Variants in DCC observed in about 807,000 individuals in gnomAD.
DCC encodes netrin receptor DCC.
A neutral mutation model predicts 172.5 loss-of-function variants in DCC; 58 were observed. The observed-to-expected ratio is 0.34, with a 90% CI of 0.27 to 0.42. The LOEUF (loss-of-function observed/expected upper bound fraction) is 0.42, where lower values mean the gene tolerates loss of function less well. Among genes scored for constraint, DCC ranks in the 10% least tolerant of loss-of-function variants. DCC has a pLI of 1.00. For synonymous variants in DCC, 709 were observed against 644.5 expected, an observed-to-expected ratio of 1.10 and a Z score of -1.52; for missense variants, 1,740 against 1,791.0, an observed-to-expected ratio of 0.97 and a Z score of 0.51.
intron 14 of DCC, among the ~76,000 whole-genome samples, chr18:53,331,529 T>C (rs537412446): frequency 1.3e-5 from 2 of 152,216 alleles, no homozygotes; most frequent in Non-Finnish European, 2.9e-5. Flanking sequence ...GGCTGGTGTC[T>C]GCAGCTGCTC....
At chr18:52,631,952 G>C (rs1193677091) in intron 1 of DCC, among the ~76,000 whole-genome samples, 1 of 152,146 alleles carries the variant, frequency 6.6e-6, no homozygotes, top group Non-Finnish European at 1.5e-5. Context: ...ATTAGGCCCT[G>C]TCTCCTTCCA....
chr18:52,492,630 A>ATTT (rs2030561028), intron 1 of DCC, among the ~76,000 whole-genome samples: 1 of 151,378 alleles, frequency 6.6e-6, no homozygotes, highest in African/African-American at 2.4e-5. Flanking sequence ...ATATGGGGCA[A>ATTT]GTTTAATAGG....
At chr18:52,441,352 A>G (rs919962782) in intron 1 of DCC, among the ~76,000 whole-genome samples, 6 of 152,312 alleles carry the variant, frequency 3.9e-5, no homozygotes, top group Non-Finnish European at 8.8e-5. Context: ...CGTGAAAAAG[A>G]GTCCGATATC....
chr18:53,009,498 C>CA (rs988747273), intron 5 of DCC, among the ~76,000 whole-genome samples: 2 of 151,174 alleles, frequency 1.3e-5, no homozygotes, highest in South Asian at 2.1e-4. Flanking sequence ...AGGGTAAAAA[C>CA]AAAAAAGAGA....
intron 8 of DCC, among the ~76,000 whole-genome samples, chr18:53,172,515 G>T (rs1197216253): frequency 6.6e-6 from 1 of 151,968 alleles, no homozygotes; most frequent in Non-Finnish European, 1.5e-5. Context: ...CTGTTCAAAG[G>T]GTTATGGCCA....
At chr18:52,675,501 A>T (rs544216143) in intron 1 of DCC, among the ~76,000 whole-genome samples, 2 of 152,232 alleles carry the variant, frequency 1.3e-5, no homozygotes, top group South Asian at 4.1e-4. Context: ...TATTTAATTG[A>T]AGTCTCATGC....
At chr18:52,670,691 T>A (rs2035536107) in intron 1 of DCC, among the ~76,000 whole-genome samples, 1 of 151,940 alleles carries the variant, frequency 6.6e-6, no homozygotes, top group Non-Finnish European at 1.5e-5. Context: ...AATATAAAAA[T>A]TAGCCAGGCA....
At position 53,299,751 on chromosome 18, in the gene DCC, A is replaced by T. The variant is rs186442680; in HGVS notation, c.1912-5827A>T. ...ACTCTCAGCCTCTTGAACTTCTCAT[A>T]GGAGGCAATATTAAGCAGAAAAGAA... is the stretch of plus-strand genomic sequence containing the variant. On this transcript the variant is annotated intron_variant, in intron 12 of 28. Transcript: ENST00000442544. Among the ~76,000 whole-genome samples, 379 of 152,322 alleles carry T rather than the reference A, an allele frequency of 2.5e-3. 5 individuals carry two copies. Among genetic ancestry groups the T allele is most frequent in the Non-Finnish European group, 1.3e-3 (86 of 68,026 alleles).
chr18:52,905,869 A>G (rs1244871755), intron 2 of DCC, among the ~76,000 whole-genome samples, 175 bp from the exon 3 acceptor site: 1 of 152,248 alleles, frequency 6.6e-6, no homozygotes, highest in Non-Finnish European at 1.5e-5. Context: ...GCCTCTGAGC[A>G]TACTGTAGTG....
intron 1 of DCC, among the ~76,000 whole-genome samples, chr18:52,413,797 AGAG>A (rs1986923024): frequency 6.3e-5 from 9 of 141,932 alleles, no homozygotes; most frequent in Admixed American, 4.1e-4. Context: ...TGAGACTCTG[AGAG>A]AAATGTTTGT....
intron 11 of DCC, among the ~76,000 whole-genome samples, chr18:53,208,365 C>A (rs1186527368): frequency 6.6e-6 from 1 of 151,834 alleles, no homozygotes; most frequent in Admixed American, 6.6e-5. Context: ...CAAAATGTGA[C>A]TATTGACTAA....
intron 28 of DCC, among the ~76,000 whole-genome samples, chr18:53,527,595 T>TAAAG (rs1190670486): frequency 1.3e-5 from 2 of 151,782 alleles, no homozygotes; most frequent in South Asian, 2.1e-4. Context: ...AAAGTTTATT[T>TAAAG]AAAGACAGAA....
intron 5 of DCC, among the ~76,000 whole-genome samples, chr18:52,949,349 G>A (rs1355843803): frequency 6.6e-6 from 1 of 152,142 alleles, no homozygotes; most frequent in African/African-American, 2.4e-5. Flanking sequence ...AAAAGTGAAG[G>A]GCATTTCTTG....
chr18:52,823,368 C>G (rs1236678854), intron 2 of DCC, among the ~76,000 whole-genome samples: 3 of 152,114 alleles, frequency 2.0e-5, no homozygotes. Context: ...GTCCTCACTC[C>G]TGAGGGTGTT....
intron 1 of DCC, among the ~76,000 whole-genome samples, chr18:52,617,003 G>A (rs902899044): frequency 3.9e-5 from 6 of 152,130 alleles, no homozygotes; most frequent in African/African-American, 1.4e-4. Flanking sequence ...TAAATAATAC[G>A]CTGGGCTAAT....
intron 1 of DCC, among the ~76,000 whole-genome samples, chr18:52,425,611 A>G (rs1028663570): frequency 1.3e-5 from 2 of 152,162 alleles, no homozygotes; most frequent in African/African-American, 4.8e-5. Context: ...ATCTGTAAAA[A>G]TGCTTGCTTG....
At chr18:53,434,742 A>G (rs1002418938) in intron 21 of DCC, among the ~76,000 whole-genome samples, 2 of 152,200 alleles carry the variant, frequency 1.3e-5, no homozygotes, top group Non-Finnish European at 2.9e-5. Flanking sequence ...AATTTTCCAT[A>G]AAGTCTTGTC....
At position 52,585,123 on chromosome 18, in the gene DCC, A is replaced by G. The variant is rs79946911; in HGVS notation, c.92-166931A>G. On this transcript the variant is annotated intron_variant, in intron 1 of 28. Transcript: ENST00000442544. ...TTATTCTCGAATGCTTAAAGAATGC[A>G]TTGAAATTCAGCTTTATAAATGTGC... Among the ~76,000 whole-genome samples the G allele has an allele frequency of 3.3e-5, 5 of 152,234 alleles. No homozygotes were observed. The East Asian group carries it at 9.6e-4, about 29-fold the overall frequency.
intron 27 of DCC, among the ~76,000 whole-genome samples, chr18:53,502,451 A>C (rs2144473427): frequency 6.6e-6 from 1 of 152,340 alleles, no homozygotes; most frequent in African/African-American, 2.4e-5. Flanking sequence ...TTATTCTGAT[A>C]GAAAAAGAAA....
Sources: gnomAD v4.1 joint callset for allele counts (sites outside exome capture counted in the v4.1 genomes callset) on GRCh38, gnomAD v4.1.1 for gene constraint, MANE v1.5 for transcripts, NCBI Gene and HGNC (gene_info 2026-07-23, HGNC 2026-07-21) for gene names.